SNX13: variants seen among roughly 807,000 people sequenced by gnomAD.
The protein encoded by SNX13 is sorting nexin 13.
In SNX13, 45 loss-of-function variants were observed where a neutral mutation model predicts 133.6. The observed-to-expected ratio is 0.34, with a 90% CI of 0.27 to 0.43. The LOEUF is 0.43. Ranked by LOEUF, SNX13 falls within the 20% of genes least tolerant of loss-of-function variation. SNX13 has a pLI of 1.00. For missense variants in SNX13, 1,032 were observed against 1,145.1 expected, an observed-to-expected ratio of 0.90 and a Z score of 1.43; for synonymous variants, 414 against 373.9, an observed-to-expected ratio of 1.11 and a Z score of -1.24.
intron 1 of SNX13, chr7:17,900,028 G>A (rs1797646495): frequency 6.6e-6 from 1 of 152,310 alleles, no homozygotes; most frequent in African/African-American, 2.4e-5. Context: ...ATACATTAGA[G>A]GCACCCTAAG....
chr7:17,922,759 G>GAA (rs11397631), intron 1 of SNX13, among the ~76,000 whole-genome samples: 2 of 151,626 alleles, frequency 1.3e-5, no homozygotes, highest in African/African-American at 4.8e-5. Flanking sequence ...AAACTACTGG[G>GAA]AAAAAAAGAT....
intron 10 of SNX13, 56 bp downstream of exon 10, chr7:17,850,770 T>C (rs557292395): frequency 9.7e-6 from 13 of 1,336,058 alleles, no homozygotes; most frequent in African/African-American, 6.5e-5. Flanking sequence ...AATCAAAGTT[T>C]TGAAGATAAA....
intron 1 of SNX13, among the ~76,000 whole-genome samples, chr7:17,908,938 A>G (rs888381525): frequency 6.6e-6 from 1 of 152,204 alleles, no homozygotes; most frequent in East Asian, 1.9e-4. Flanking sequence ...TCCAAGAATT[A>G]TAAGGATATA....
chr7:17,939,600 C>T (rs1354030184), intron 1 of SNX13, among the ~76,000 whole-genome samples: 1 of 152,184 alleles, frequency 6.6e-6, no homozygotes, highest in Admixed American at 6.5e-5. Flanking sequence ...GCCCTACTTC[C>T]ATTTCAGGTC....
Position 17,816,260 on chromosome 7 carries a change from A to G in SNX13, c.1875T>C (p.Leu625=). ...QFESLSSILK[L]PGKKTFNNMD... ...TATTATTAAAAGTCTTTTTTCCAGGAAGTTTCAATATGCTTGAGAGACTTT... is the reference window on the plus strand; with the variant it reads ...TATTATTAAAAGTCTTTTTTCCAGGGAGTTTCAATATGCTTGAGAGACTTT... The change falls in exon 19 of 26, where the codon CTT becomes CTC. Residue 625 remains leucine (L), a synonymous_variant. Transcript: ENST00000428135. The G allele has an allele frequency of 6.5e-7, 1 of 1,542,828 alleles. No individual in the cohort carries two copies. Among genetic ancestry groups the G allele is most frequent in the Non-Finnish European group, 8.8e-7 (1 of 1,142,442 alleles).
intron 18 of SNX13, among the ~76,000 whole-genome samples, chr7:17,818,150 G>A (rs1210990442): frequency 2.6e-5 from 4 of 152,052 alleles, no homozygotes; most frequent in African/African-American, 9.7e-5. Flanking sequence ...GAGGCCTCAC[G>A]ACAAACCAAA....
At chr7:17,798,606 A>C (rs1562646437) in intron 24 of SNX13, 84 bp downstream of exon 24, 1 of 1,044,984 alleles carries the variant, frequency 9.6e-7, no homozygotes, top group South Asian at 1.5e-5. Flanking sequence ...TCCAGGAAGG[A>C]AACAAAAGCA....
At chr7:17,855,632 A>G (rs1791790223) in intron 9 of SNX13, among the ~76,000 whole-genome samples, 1 of 152,238 alleles carries the variant, frequency 6.6e-6, no homozygotes, top group South Asian at 2.1e-4. Context: ...GTCTGTTTAC[A>G]ACACGGTTTA....
intron 22 of SNX13, among the ~76,000 whole-genome samples, chr7:17,799,500 T>C (rs1302850377): frequency 6.6e-6 from 1 of 151,800 alleles, no homozygotes; most frequent in East Asian, 1.9e-4. Flanking sequence ...ACCCTTTGTC[T>C]ATTTTCTGAT....
At chr7:17,936,948 A>G (rs1398629111) in intron 1 of SNX13, among the ~76,000 whole-genome samples, 2 of 151,384 alleles carry the variant, frequency 1.3e-5, no homozygotes, top group East Asian at 3.9e-4. Context: ...TCACATTAGA[A>G]GCAGGAAGTC....
intron 1 of SNX13, among the ~76,000 whole-genome samples, chr7:17,929,599 G>C (rs1258294522): frequency 6.6e-6 from 1 of 152,012 alleles, no homozygotes; most frequent in African/African-American, 2.4e-5. Context: ...ATATAAATGA[G>C]AGCCACTTTA....
At position 17,929,720 on chromosome 7, in the gene SNX13, A is replaced by C. The variant is rs527964769; in HGVS notation, c.12+10564T>G. ...AAGTGTACTACAATCTTTCCTTTTC[A>C]TTTCATCTACAGTAAAAGTTTTAGT... is the stretch of plus-strand genomic sequence containing the variant. On this transcript the variant is annotated intron_variant, in intron 1 of 25. Coordinates refer to ENST00000428135, the MANE Select transcript of SNX13 (RefSeq NM_015132.5). Among the ~76,000 whole-genome samples the C allele has an allele frequency of 7.4e-4, 113 of 152,280 alleles. 2 individuals carry two copies. The South Asian group carries it at 0.022, about 29-fold the overall frequency.
In SNX13 at chr7:17,802,474, G is replaced by A. The variant is rs1031186336; in HGVS notation, c.2227-815C>T. ...AAAATCATTTGTCAGCACAAGGATT[G>A]TCAAGACCATCTCAAGTTATTGGTG... On this transcript the variant is annotated intron_variant, in intron 21 of 25. Coordinates refer to ENST00000428135, the MANE Select transcript of SNX13 (RefSeq NM_015132.5). Among the ~76,000 whole-genome samples the A allele has an allele frequency of 4.6e-5, 7 of 152,238 alleles. No homozygotes were observed. In the South Asian group the frequency reaches 1.5e-3, roughly 32 times the overall value.
chr7:17,866,859 T>C (rs114405060), intron 9 of SNX13, among the ~76,000 whole-genome samples: 1 of 152,178 alleles, frequency 6.6e-6, no homozygotes, highest in Non-Finnish European at 1.5e-5. Flanking sequence ...AGGAGTGGAA[T>C]TGGAATGTTC....
At chr7:17,909,085 G>T (rs776114839) in intron 1 of SNX13, among the ~76,000 whole-genome samples, 1 of 151,954 alleles carries the variant, frequency 6.6e-6, no homozygotes, top group Non-Finnish European at 1.5e-5. Flanking sequence ...AAAAGAAACA[G>T]ATGAAAAGCT....
intron 22 of SNX13, among the ~76,000 whole-genome samples, chr7:17,801,291 T>C (rs749753682): frequency 3.3e-5 from 5 of 151,764 alleles, no homozygotes; most frequent in Non-Finnish European, 5.9e-5. Flanking sequence ...ATACGTACCT[T>C]ACAGTTTCAT....
At chr7:17,800,844 C>T (rs548000413) in intron 22 of SNX13, among the ~76,000 whole-genome samples, 22 of 150,748 alleles carry the variant, frequency 1.5e-4, no homozygotes, top group African/African-American at 4.4e-4. Flanking sequence ...ATCACAGAAA[C>T]GCAAATTCGC....
intron 1 of SNX13, among the ~76,000 whole-genome samples, chr7:17,936,575 C>G (rs1187987663): frequency 1.3e-5 from 2 of 152,144 alleles, no homozygotes; most frequent in African/African-American, 4.8e-5. Context: ...TATGCCACAA[C>G]ACTGGAATGT....
chr7:17,848,484 T>C (rs532631048), intron 11 of SNX13, among the ~76,000 whole-genome samples: 1 of 152,312 alleles, frequency 6.6e-6, no homozygotes, highest in Non-Finnish European at 1.5e-5. Flanking sequence ...CACTGAGCTG[T>C]TAACCCTTAA....
Sources: allele counts gnomAD v4.1 joint callset (sites outside exome capture counted in the v4.1 genomes callset), GRCh38; gene constraint gnomAD v4.1.1; transcripts MANE v1.5; gene names NCBI Gene and HGNC (gene_info 2026-07-23, HGNC 2026-07-21).